Variants in TUBD1 observed in about 807,000 individuals in gnomAD.
TUBD1 encodes the protein tubulin delta 1.
A neutral mutation model predicts 51.2 loss-of-function variants in TUBD1; 38 were observed. That is an observed-to-expected ratio of 0.74 (90% CI 0.57 to 0.97). The LOEUF (loss-of-function observed/expected upper bound fraction) is 0.97. Among genes scored for constraint, TUBD1 ranks in the 50% least tolerant of loss-of-function variants. TUBD1 has a pLI of 0.00. For synonymous variants in TUBD1, 169 were observed against 178.2 expected, an observed-to-expected ratio of 0.95 and a Z score of 0.41; for missense variants, 489 against 538.4, an observed-to-expected ratio of 0.91 and a Z score of 0.91.
Position 59,863,860 on chromosome 17 carries a change from CAAGAT to C in TUBD1, c.1076-18_1076-14del. 1 of 1,463,478 alleles carries C rather than the reference CAAGAT, an allele frequency of 6.8e-7. No homozygotes were observed. Among genetic ancestry groups the C allele is most frequent in the Non-Finnish European group, 9.1e-7 (1 of 1,104,612 alleles). The allele number at this position is 1,463,478 out of a possible 1,614,324, so 90.7% of individuals were successfully genotyped here. On this transcript the variant is annotated splice_polypyrimidine_tract_variant and intron_variant, in intron 7 of 8. Coordinates refer to ENST00000325752, the MANE Select transcript of TUBD1 (RefSeq NM_016261.4). ...TCTTTAAATCCCTCTAGAGTAAAAA[CAAGAT>C]AAGCCGTCTTTTTATAGCATAAATT...
intron 7 of TUBD1, among the ~76,000 whole-genome samples, chr17:59,864,982 TAGTAGCTGGGACTACAGG>T (rs1350649517): frequency 6.6e-6 from 1 of 151,768 alleles, no homozygotes; most frequent in African/African-American, 2.4e-5. Context: ...TCAGTCTCCC[TAGTAGCTGGGACTACAGG>T]TGTGCACCAC....
At chr17:59,886,321 C>CA (rs2040723468) in intron 2 of TUBD1, 91 bp from the exon 3 acceptor site, 109 of 1,142,956 alleles carry the variant, frequency 9.5e-5, no homozygotes, top group South Asian at 3.8e-4. Context: ...GTGTCCAAAT[C>CA]CAAAAAAAAA....
intron 8 of TUBD1, among the ~76,000 whole-genome samples, chr17:59,862,122 G>A (rs546881045): frequency 1.5e-4 from 23 of 150,802 alleles, no homozygotes; most frequent in East Asian, 6.2e-4. Context: ...TCAGGAGTTC[G>A]AGACCAGCCT....
intron 3 of TUBD1, 43 bp downstream of exon 3, chr17:59,886,040 T>A: frequency 6.2e-7 from 1 of 1,605,050 alleles, no homozygotes; most frequent in Non-Finnish European, 8.5e-7. Context: ...TAATTGACTG[T>A]GTAGCTGTCA....
At chr17:59,891,658 T>C (rs2041053758) in intron 1 of TUBD1, among the ~76,000 whole-genome samples, 1 of 152,012 alleles carries the variant, frequency 6.6e-6, no homozygotes, top group Non-Finnish European at 1.5e-5. Context: ...AACATTCTCC[T>C]CAGTTGAGGA....
Sources: allele counts gnomAD v4.1 joint callset (sites outside exome capture counted in the v4.1 genomes callset), GRCh38; gene constraint gnomAD v4.1.1; transcripts MANE v1.5; gene names NCBI Gene and HGNC (gene_info 2026-07-23, HGNC 2026-07-21).